Variants in MAP2 observed in about 807,000 individuals in gnomAD.
The protein encoded by MAP2 is microtubule-associated protein 2.
MAP2 carries 14 observed loss-of-function variants against 137.6 expected under a neutral mutation model. The observed-to-expected ratio is 0.10, with a 90% CI of 0.07 to 0.16. The LOEUF (loss-of-function observed/expected upper bound fraction) is 0.16, where lower values mean the gene tolerates loss of function less well. Ranked by LOEUF, MAP2 falls within the 10% of genes least tolerant of loss-of-function variation. The probability of loss-of-function intolerance (pLI) is 1.00; values close to 1 mark genes in which losing one functional copy is unlikely to be tolerated. For missense variants in MAP2, 2,088 were observed against 2,191.5 expected (o/e 0.95, Z 0.94); for synonymous variants, 786 against 782.3 (o/e 1.00, Z -0.08).
intron 2 of MAP2, among the ~76,000 whole-genome samples, chr2:209,510,791 C>CGAG (rs2061635695): frequency 6.6e-6 from 1 of 152,044 alleles, no homozygotes; most frequent in South Asian, 2.1e-4. Context: ...TTGGCTCTGC[C>CGAG]ACTCTCAGCC....
chr2:209,697,195 A>G, intron 10 of MAP2, 144 bp downstream of exon 10: 2 of 745,574 alleles, frequency 2.7e-6, no homozygotes, highest in Non-Finnish European at 4.1e-6. Context: ...AGTGTCTTGT[A>G]TCATTATTCT....
At chr2:209,661,226 G>A (rs1559503608) in intron 5 of MAP2, among the ~76,000 whole-genome samples, 1 of 152,008 alleles carries the variant, frequency 6.6e-6, no homozygotes, top group Non-Finnish European at 1.5e-5. Context: ...CTAGATTTGC[G>A]ATTTACTAAT....
intron 3 of MAP2, among the ~76,000 whole-genome samples, chr2:209,598,167 G>A (rs543366758): frequency 2.6e-5 from 4 of 151,866 alleles, no homozygotes; most frequent in Admixed American, 6.6e-5. Context: ...CACCATGCCC[G>A]GCTAATTTTT....
rs762002481 is a variant in MAP2, at chr2:209,695,717, G to A, written c.3547G>A (p.Asp1183Asn). 6.8e-6 allele frequency: 11 copies of A among 1,613,968 alleles called. No individual in the cohort carries two copies. Among genetic ancestry groups the A allele is most frequent in the Non-Finnish European group, 8.5e-6 (10 of 1,180,022 alleles). ...TTGCCCACCTGCTGTTTCAGAGGCT[G>A]ATTTAGCCACAGATGAGAGAGCTGA... ...IPCPPAVSEA[D>N]LATDERADVQ... is the part of the protein sequence containing the mutation. Residue 1183 changes from aspartate to asparagine, a missense_variant, in exon 8 of 16, where the codon GAT (aspartate) becomes AAT (asparagine). This residue lies in a region of MAP2 where 591 missense variants were observed against 642.6 expected (regional missense o/e 0.92). Coordinates refer to ENST00000682079, the MANE Select transcript of MAP2 (RefSeq NM_001375505.1).
At chr2:209,451,242 C>T (rs1433120577) in intron 1 of MAP2, among the ~76,000 whole-genome samples, 1 of 152,224 alleles carries the variant, frequency 6.6e-6, no homozygotes, top group Admixed American at 6.5e-5. Flanking sequence ...CTCATCCACT[C>T]TCCACCTTTC....
chr2:209,707,637 T>A (rs1158971315), intron 12 of MAP2, among the ~76,000 whole-genome samples: 2 of 152,168 alleles, frequency 1.3e-5, no homozygotes, highest in East Asian at 3.8e-4. Flanking sequence ...TTGTTTTAGA[T>A]CTTAGGCTTA....
At chr2:209,462,349 G>T (rs1230094168) in intron 1 of MAP2, among the ~76,000 whole-genome samples, 3 of 152,210 alleles carry the variant, frequency 2.0e-5, no homozygotes, top group African/African-American at 4.8e-5. Flanking sequence ...CTTGAAAAGT[G>T]AGCCACGTGT....
intron 4 of MAP2, among the ~76,000 whole-genome samples, chr2:209,628,903 C>G (rs540169543): frequency 3.9e-5 from 6 of 152,296 alleles, no homozygotes; most frequent in African/African-American, 1.2e-4. Flanking sequence ...TAGGTAGATG[C>G]TCTGCACACA....
chr2:209,445,338 A>C (rs949587666), intron 1 of MAP2, among the ~76,000 whole-genome samples: 3 of 151,692 alleles, frequency 2.0e-5, no homozygotes, highest in Non-Finnish European at 3.0e-5. Context: ...CTGCTGAGGT[A>C]ATGGTGAAAG....
At chr2:209,689,395 C>T (rs1046207638) in intron 7 of MAP2, among the ~76,000 whole-genome samples, 1 of 151,656 alleles carries the variant, frequency 6.6e-6, no homozygotes, top group Non-Finnish European at 1.5e-5. Flanking sequence ...GTAGTCTTTC[C>T]CTCAGGGCCG....
chr2:209,726,586 C>T (rs768399290), intron 14 of MAP2, among the ~76,000 whole-genome samples: 11 of 152,104 alleles, frequency 7.2e-5, no homozygotes, highest in Non-Finnish European at 1.6e-4. Flanking sequence ...AGGGAAACCC[C>T]TGTCTCAATA....
intron 3 of MAP2, among the ~76,000 whole-genome samples, chr2:209,612,481 CG>C (rs2087299795): frequency 6.6e-6 from 1 of 152,062 alleles, no homozygotes; most frequent in African/African-American, 2.4e-5. Flanking sequence ...GAGAAAAGAT[CG>C]TTCCTTTATG....
intron 4 of MAP2, among the ~76,000 whole-genome samples, chr2:209,648,619 T>TAAAAAAAAA (rs2094561070): frequency 4.9e-5 from 1 of 20,272 alleles, no homozygotes; most frequent in Non-Finnish European, 9.8e-5. Flanking sequence ...CTACTAAAAA[T>TAAAAAAAAA]ACAAAAAAAA....
chr2:209,693,439 G>A lies in MAP2; in HGVS notation c.1269G>A (p.Arg423=), dbSNP rs1041502737. The A allele has an allele frequency of 9.3e-6, 15 of 1,613,850 alleles. No individual in the cohort carries two copies. Among genetic ancestry groups the A allele is most frequent in the Non-Finnish European group, 1.3e-5 (15 of 1,179,966 alleles). Residue 423 remains arginine (R), a synonymous_variant, in exon 8 of 16, where the codon AGG becomes AGA. Coordinates refer to ENST00000682079, the MANE Select transcript of MAP2 (RefSeq NM_001375505.1). ...EAINQETVQQ[R]DTFTPSGQEP... is the part of the protein sequence containing the mutation. ...TAAATCAAGAGACTGTGCAGCAAAGGGATACTTTCACCCCCAGTGGACAGG... is the reference window on the plus strand; with the variant it reads ...TAAATCAAGAGACTGTGCAGCAAAGAGATACTTTCACCCCCAGTGGACAGG...
In MAP2 at chr2:209,700,276, G is replaced by T; in HGVS notation, c.4523-1G>T. On this transcript the variant is annotated splice_acceptor_variant, in intron 10 of 15. Coordinates refer to ENST00000682079, the MANE Select transcript of MAP2 (RefSeq NM_001375505.1). LOFTEE classifies it high-confidence loss of function. ...GGTTGTTTGTCTTTTATTTTCAACAGCAGCAGGTGGGGAATCAGCTCTGGC... is the reference window on the plus strand; with the variant it reads ...GGTTGTTTGTCTTTTATTTTCAACATCAGCAGGTGGGGAATCAGCTCTGGC... 6.2e-7 allele frequency: 1 copy of T among 1,612,546 alleles called. No individual in the cohort carries two copies. Among genetic ancestry groups the T allele is most frequent in the Non-Finnish European group, 8.5e-7 (1 of 1,179,030 alleles).
intron 4 of MAP2, among the ~76,000 whole-genome samples, chr2:209,625,796 T>C (rs1211102879): frequency 2.0e-5 from 3 of 152,112 alleles, no homozygotes; most frequent in African/African-American, 7.2e-5. Flanking sequence ...AGATAAACTT[T>C]TATGTTTGCA....
At chr2:209,618,225 AAGAAAG>A (rs2153513033) in intron 3 of MAP2, among the ~76,000 whole-genome samples, 1 of 152,174 alleles carries the variant, frequency 6.6e-6, no homozygotes, top group South Asian at 2.1e-4. Flanking sequence ...GACAGGCAGA[AAGAAAG>A]AGAAAGAAGA....
chr2:209,704,099 T>C, intron 11 of MAP2: 1 of 451,152 alleles, frequency 2.2e-6, no homozygotes, highest in South Asian at 1.6e-5. Context: ...AACTTCCCAA[T>C]AGGAAGTTTT....
intron 1 of MAP2, among the ~76,000 whole-genome samples, chr2:209,448,548 C>T (rs1279514294): frequency 1.3e-5 from 2 of 152,146 alleles, no homozygotes; most frequent in Admixed American, 1.3e-4. Context: ...GTTCTGGAGG[C>T]CAGGGCTCTG....
Sources: allele counts gnomAD v4.1 joint callset (sites outside exome capture counted in the v4.1 genomes callset), GRCh38; gene constraint gnomAD v4.1.1; regional missense constraint gnomAD v4.1.1; transcripts MANE v1.5; gene names NCBI Gene and HGNC (gene_info 2026-07-23, HGNC 2026-07-21).